Variants in SH3PXD2A observed in about 807,000 individuals in gnomAD.
SH3PXD2A encodes the protein SH3 and PX domains 2A.
In SH3PXD2A, 32 loss-of-function variants were observed where a neutral mutation model predicts 115.2. The observed-to-expected ratio is 0.28, with a 90% confidence interval of 0.21 to 0.37. SH3PXD2A has a LOEUF of 0.37. SH3PXD2A is among the 10% of genes least tolerant of loss of function. The pLI is 1.00. For missense variants in SH3PXD2A, 1,328 were observed against 1,498.7 expected, an observed-to-expected ratio of 0.89 and a Z score of 1.88; for synonymous variants, 610 against 629.1, an observed-to-expected ratio of 0.97 and a Z score of 0.45.
chr10:103,849,052 GA>G (rs1274791089), intron 1 of SH3PXD2A, among the ~76,000 whole-genome samples: 1 of 143,544 alleles, frequency 7.0e-6, no homozygotes, highest in East Asian at 2.1e-4. Context: ...GTGGGGCCAG[GA>G]TATCCCAATG....
chr10:103,783,483 G>T (rs1227514604), intron 2 of SH3PXD2A, among the ~76,000 whole-genome samples: 1 of 152,204 alleles, frequency 6.6e-6, no homozygotes, highest in Non-Finnish European at 1.5e-5. Flanking sequence ...AGCTGAGGAC[G>T]AGCTGACTTG....
chr10:103,823,598 CAGA>C (rs1212982352), intron 1 of SH3PXD2A, among the ~76,000 whole-genome samples: 4 of 152,230 alleles, frequency 2.6e-5, no homozygotes, highest in African/African-American at 9.6e-5. Context: ...GCCCATCTAA[CAGA>C]AGAAGATGCT....
chr10:103,792,271 A>C (rs933938666), intron 2 of SH3PXD2A, among the ~76,000 whole-genome samples: 1 of 152,272 alleles, frequency 6.6e-6, no homozygotes, highest in Admixed American at 6.5e-5. Context: ...GTTTGTAGTT[A>C]AACTTTGAAG....
At chr10:103,809,992 C>T (rs1009721865) in intron 1 of SH3PXD2A, among the ~76,000 whole-genome samples, 5 of 152,164 alleles carry the variant, frequency 3.3e-5, no homozygotes, top group Non-Finnish European at 1.5e-5. Flanking sequence ...TCCGGCCCCA[C>T]TATTTATTTA....
intron 2 of SH3PXD2A, among the ~76,000 whole-genome samples, chr10:103,778,033 TA>T (rs1564886760): frequency 1.3e-5 from 2 of 151,970 alleles, no homozygotes; most frequent in African/African-American, 4.8e-5. Context: ...TGGCTGAAGT[TA>T]AAAAGGGAAA....
intron 2 of SH3PXD2A, among the ~76,000 whole-genome samples, chr10:103,769,733 C>A (rs147912792): frequency 2.0e-5 from 3 of 152,054 alleles, no homozygotes; most frequent in African/African-American, 7.2e-5. Flanking sequence ...CGCCTGGCCA[C>A]GTGAGTTCTC....
intron 1 of SH3PXD2A, among the ~76,000 whole-genome samples, chr10:103,806,216 C>A (rs1414472034): frequency 3.9e-5 from 6 of 152,142 alleles, no homozygotes; most frequent in Non-Finnish European, 8.8e-5. Flanking sequence ...GCCTACCCCC[C>A]TGGACAGAGT....
intron 5 of SH3PXD2A, among the ~76,000 whole-genome samples, chr10:103,719,499 A>G (rs1387986345): frequency 6.6e-6 from 1 of 152,192 alleles, no homozygotes; most frequent in Non-Finnish European, 1.5e-5. Flanking sequence ...ACAATCATTC[A>G]TCCAACAGAG....
At chr10:103,731,147 T>C (rs1274898311) in intron 4 of SH3PXD2A, among the ~76,000 whole-genome samples, 1 of 150,242 alleles carries the variant, frequency 6.7e-6, no homozygotes, top group Non-Finnish European at 1.5e-5. Flanking sequence ...AGGACTCCTC[T>C]GAAGGAGTCC....
rs1297329014 is a variant in SH3PXD2A, at chr10:103,595,278, G to A, written c.*6538C>T. On this transcript the variant is annotated 3_prime_UTR_variant, in exon 15 of 15. Coordinates refer to ENST00000369774, the MANE Select transcript of SH3PXD2A (RefSeq NM_001394015.1). ...CAACCTGCTATGGCTGGACCCTTGGGTGTTAAATCACTAAATTCCCTTTCT... is the reference window on the plus strand; with the variant it reads ...CAACCTGCTATGGCTGGACCCTTGGATGTTAAATCACTAAATTCCCTTTCT... 1 of 152,190 alleles carries A rather than the reference G, an allele frequency of 6.6e-6. No homozygotes were observed. The highest frequency in any genetic ancestry group is 2.4e-5 in the African/African-American group (1 of 41,428). The allele number at this position is 152,190 out of a possible 1,614,324, so 9.4% of individuals were successfully genotyped here.
intron 3 of SH3PXD2A, among the ~76,000 whole-genome samples, chr10:103,741,789 G>A (rs1168079958): frequency 6.6e-6 from 1 of 152,234 alleles, no homozygotes; most frequent in Non-Finnish European, 1.5e-5. Flanking sequence ...AGAAAGGAAG[G>A]TGGGAGGCAG....
At chr10:103,736,789 G>A (rs1419631014) in intron 3 of SH3PXD2A, 1 of 1,289,250 alleles carries the variant, frequency 7.8e-7, no homozygotes. Flanking sequence ...ACCTGTAGCT[G>A]TAACGGGCAT....
intron 1 of SH3PXD2A, among the ~76,000 whole-genome samples, chr10:103,827,310 T>A (rs942960872): frequency 6.6e-6 from 1 of 152,198 alleles, no homozygotes; most frequent in African/African-American, 2.4e-5. Context: ...CAGCCTGGAA[T>A]GCCCACTCCC....
At position 103,841,157 on chromosome 10, in the gene SH3PXD2A, G is replaced by A. The variant is rs1395391565; in HGVS notation, c.72+14038C>T. Among the ~76,000 whole-genome samples, 7 of 152,216 alleles carry A rather than the reference G, an allele frequency of 4.6e-5. No homozygotes were observed. In the South Asian group the frequency reaches 1.2e-3, roughly 27 times the overall value. On this transcript the variant is annotated intron_variant, in intron 1 of 14. Coordinates refer to ENST00000369774, the MANE Select transcript of SH3PXD2A (RefSeq NM_001394015.1). The stretch of plus-strand genomic sequence containing the variant: ...GGTCGGAGGGGAAGGGGCTTTAGTA[G>A]AATGAAGCCTTTGTCCAGGGATTTA...
In SH3PXD2A at chr10:103,602,967, G is replaced by A. The variant is rs2036241859; in HGVS notation, c.2251C>T (p.Arg751Trp). Reference sequence around the variant, plus strand: ...TTGGGCCGGACCGATGGCTTGGCCCGGGGACAGGAGGTCAGCCCAGCGTTC... The same window carrying A: ...TTGGGCCGGACCGATGGCTTGGCCCAGGGACAGGAGGTCAGCCCAGCGTTC... The part of the protein sequence containing the change: ...DANAGLTSCP[R>W]AKPSVRPKPF... The change falls in exon 15 of 15, where the codon CGG (arginine) becomes TGG (tryptophan). Residue 751 changes from arginine to tryptophan, a missense_variant. Transcript: ENST00000369774. 5 of 1,614,062 alleles carry A rather than the reference G, an allele frequency of 3.1e-6. No homozygotes were observed. Among genetic ancestry groups the A allele is most frequent in the Admixed American group, 3.3e-5 (2 of 60,012 alleles).
rs940779625 is a variant in SH3PXD2A at position 103,665,856 on chromosome 10, G to A, written c.472+2752C>T. Among the ~76,000 whole-genome samples the A allele has an allele frequency of 1.2e-4, 19 of 152,142 alleles. No individual in the cohort carries two copies. The highest frequency in any genetic ancestry group is 4.3e-4 in the African/African-American group (18 of 41,424). On this transcript the variant is annotated intron_variant, in intron 7 of 14. Transcript: ENST00000369774. The surrounding 1 kb of genome is among the most constrained non-coding windows in gnomAD (Gnocchi z 4.0). ...CTTGGCAGGAGCATGGAGAAGGGGT[G>A]TACCTCTTCTAGACAGCAGAGCCTC... is the stretch of plus-strand genomic sequence containing the variant.
intron 2 of SH3PXD2A, among the ~76,000 whole-genome samples, chr10:103,785,114 T>A (rs2038968595): frequency 6.6e-6 from 1 of 152,158 alleles, no homozygotes; most frequent in Non-Finnish European, 1.5e-5. Context: ...ATAGAAGATA[T>A]TCAAGGGCCA....
chr10:103,613,974 G>A (rs1048839428), intron 11 of SH3PXD2A, among the ~76,000 whole-genome samples: 2 of 152,134 alleles, frequency 1.3e-5, no homozygotes, highest in Non-Finnish European at 2.9e-5. Flanking sequence ...AAGTGATTTG[G>A]GGCTGGGCGA....
intron 3 of SH3PXD2A, among the ~76,000 whole-genome samples, chr10:103,744,026 G>A (rs2038472818): frequency 6.6e-6 from 1 of 152,120 alleles, no homozygotes; most frequent in Admixed American, 6.5e-5. Flanking sequence ...TGGCTCCCCT[G>A]TCTTCCTGAA....
Sources: allele counts gnomAD v4.1 joint callset (sites outside exome capture counted in the v4.1 genomes callset), GRCh38; gene constraint gnomAD v4.1.1; non-coding constraint Gnocchi (gnomAD v3.1); transcripts MANE v1.5; gene names NCBI Gene and HGNC (gene_info 2026-07-23, HGNC 2026-07-21).